Variants in GTPBP6 observed in about 807,000 individuals in gnomAD.
GTPBP6 encodes the protein putative GTP-binding protein 6.
In GTPBP6, 33 loss-of-function variants were observed where a neutral mutation model predicts 28.9. That is an observed-to-expected ratio of 1.14 (90% CI 0.87 to 1.53). GTPBP6 has a LOEUF of 1.53. Ranked by LOEUF, GTPBP6 falls within the 40% of genes most tolerant of loss-of-function variation. GTPBP6 has a pLI of 0.00. For synonymous variants in GTPBP6, 231 were observed against 192.7 expected (o/e 1.20, Z -1.65); for missense variants, 507 against 408.3 (o/e 1.24, Z -2.08).
At position 306,126 on chromosome X, in the gene GTPBP6, C is replaced by T. The variant is rs774518982; in HGVS notation, c.1428-929G>A. Among the ~76,000 whole-genome samples the T allele has an allele frequency of 9.8e-5, 15 of 152,340 alleles. No homozygotes were observed. The East Asian group carries it at 2.7e-3, about 27-fold the overall frequency. The stretch of plus-strand genomic sequence containing the variant: ...CTTGACTGGCAGCACAGATTAGGCA[C>T]CTGTTGTGCGCACAGTCAGAAATGT... On this transcript the variant is annotated intron_variant, in intron 9 of 9. Transcript: ENST00000326153.
intron 8 of GTPBP6, 98 bp from the exon 9 acceptor site, chrX:307,610 G>A: frequency 6.9e-7 from 1 of 1,456,960 alleles, no homozygotes; most frequent in Non-Finnish European, 9.3e-7. Context: ...CACAGTCTGG[G>A]GCCACTCCCT....
intron 5 of GTPBP6, among the ~76,000 whole-genome samples, chrX:313,209 C>G (rs1167947692): frequency 2.6e-5 from 4 of 152,236 alleles, no homozygotes; most frequent in African/African-American, 9.6e-5. Flanking sequence ...GGCCTCCGAG[C>G]GGGACACGGC....
At chrX:313,964 C>CA (rs1569353447) in intron 5 of GTPBP6, among the ~76,000 whole-genome samples, 186 bp downstream of exon 5, 1 of 152,236 alleles carries the variant, frequency 6.6e-6, no homozygotes, top group Non-Finnish European at 1.5e-5. Flanking sequence ...ACGGAGCCCC[C>CA]AGCCAGCCCC....
chrX:304,985 C>G, exon 10 of GTPBP6: 3 of 1,552,622 alleles, frequency 1.9e-6, no homozygotes, highest in Non-Finnish European at 2.6e-6. Flanking sequence ...CCTGCTGCAC[C>G]TGACACCAAG....
At chrX:314,937 C>T (rs1370787468) in exon 4 of GTPBP6, 3 of 398,616 alleles carry the variant, frequency 7.5e-6, no homozygotes, top group Admixed American at 4.4e-5. Context: ...GGGCCTCCTT[C>T]GTGCGGGCGT....
At chrX:308,449 C>A (rs956010138) in intron 7 of GTPBP6, among the ~76,000 whole-genome samples, 2 of 152,054 alleles carry the variant, frequency 1.3e-5, no homozygotes, top group African/African-American at 4.8e-5. Flanking sequence ...AACTGAGGCA[C>A]TTTGGGAGGT....
exon 7 of GTPBP6, chrX:311,457 C>T (rs368490520): frequency 3.3e-5 from 53 of 1,611,714 alleles, no homozygotes; most frequent in Non-Finnish European, 3.9e-5. Context: ...GAGAAGGACT[C>T]GATGAGGCCG....
At chrX:311,690 G>A in intron 6 of GTPBP6, 63 bp from the exon 7 acceptor site, 3 of 1,347,108 alleles carry the variant, frequency 2.2e-6, no homozygotes, top group Non-Finnish European at 3.2e-6. Flanking sequence ...TAGCGCCGCA[G>A]CCAGGCCCTC....
At chrX:308,693 T>G (rs1479098757) in intron 7 of GTPBP6, among the ~76,000 whole-genome samples, 2 of 146,558 alleles carry the variant, frequency 1.4e-5, no homozygotes, top group Non-Finnish European at 3.0e-5. Context: ...AGAAGAAAAG[T>G]AAAAACAAAA....
intron 4 of GTPBP6, 145 bp from the exon 5 acceptor site, chrX:314,362 C>CA (rs2070384661): frequency 1.4e-6 from 1 of 733,664 alleles, no homozygotes; most frequent in Non-Finnish European, 2.5e-6. Context: ...GCGTGTAGCT[C>CA]ACACACTGTG....
At position 309,551 on chromosome X, in the gene GTPBP6, G is replaced by A. The variant is rs1397638349; in HGVS notation, c.1126-1671C>T. Among the ~76,000 whole-genome samples, 3 of 152,292 alleles carry A rather than the reference G, an allele frequency of 2.0e-5. No individual in the cohort carries two copies. The East Asian group carries it at 5.8e-4, about 29-fold the overall frequency. ...TTTTTGCAGATGTAGTTAAGATGAGGTTACCCTGGATTTATCTAGGTGGCC... is the reference window on the plus strand; with the variant it reads ...TTTTTGCAGATGTAGTTAAGATGAGATTACCCTGGATTTATCTAGGTGGCC... On this transcript the variant is annotated intron_variant, in intron 7 of 9. Transcript: ENST00000326153.
In GTPBP6 at chrX:312,807, C is replaced by T. The variant is rs374595376; in HGVS notation, c.875G>A (p.Arg292Gln). Residue 292 changes from arginine (R) to glutamine (Q), a missense_variant, in exon 6 of 10, where the codon CGG becomes CAG. Physicochemically the swap from Arg to Gln is conservative, Grantham distance 43. Coordinates refer to ENST00000326153, the Ensembl canonical transcript of GTPBP6. ...CACCACGGAGATCACGGGGAACTCCCGCCTCGTCCGCTGCCGGCGGAGCAG... is the reference window on the plus strand; with the variant it reads ...CACCACGGAGATCACGGGGAACTCCTGCCTCGTCCGCTGCCGGCGGAGCAG... 397 of 1,612,602 alleles carry T rather than the reference C, an allele frequency of 2.5e-4. 3 individuals are homozygous for T. The South Asian group carries it at 2.8e-3, about 11-fold the overall frequency.
intron 7 of GTPBP6, 72 bp downstream of exon 7, chrX:311,347 G>T: frequency 8.7e-7 from 1 of 1,146,988 alleles, no homozygotes; most frequent in Non-Finnish European, 1.3e-6. Context: ...CCCTGGCTGT[G>T]TGTGTCTGAG....
chrX:305,950 T>TG (rs1198984294), intron 9 of GTPBP6, among the ~76,000 whole-genome samples: 7 of 151,960 alleles, frequency 4.6e-5, no homozygotes, highest in South Asian at 2.1e-4. Context: ...TTTGTAGAGA[T>TG]GGGGTCTCAC....
exon 1 of GTPBP6, chrX:318,605 G>A (rs1459394146): frequency 2.3e-5 from 9 of 397,502 alleles, no homozygotes; most frequent in African/African-American, 1.6e-4. Flanking sequence ...GGCTTCGGCC[G>A]CCGTCCGCCC....
exon 10 of GTPBP6, chrX:304,960 C>G: frequency 6.6e-6 from 10 of 1,505,752 alleles, no homozygotes; most frequent in Non-Finnish European, 8.9e-6. Context: ...GGGTGCAGAA[C>G]CAGACAAGGA....
chrX:311,903 GGTC>G, intron 6 of GTPBP6: 2 of 599,364 alleles, frequency 3.3e-6, no homozygotes, highest in Admixed American at 2.9e-5. Context: ...ATGGGAGTGA[GGTC>G]GTCTGTGTAG....
chrX:315,553 GACACACACAC>G (rs1215331200), intron 2 of GTPBP6, among the ~76,000 whole-genome samples: 6,836 of 110,462 alleles, frequency 0.062, 224 homozygotes, highest in African/African-American at 0.2. Flanking sequence ...TACACACGCA[GACACACACAC>G]ACACACACAC....
At chrX:309,943 G>GAGACAC (rs1569348895) in intron 7 of GTPBP6, among the ~76,000 whole-genome samples, 1 of 143,790 alleles carries the variant, frequency 7.0e-6, no homozygotes, top group Non-Finnish European at 1.5e-5. Flanking sequence ...GACAGAAGAG[G>GAGACAC]AGACACAGAC....
Sources: gnomAD v4.1 joint callset for allele counts (sites outside exome capture counted in the v4.1 genomes callset) on GRCh38, gnomAD v4.1.1 for gene constraint, MANE v1.5 for transcripts, NCBI Gene and HGNC (gene_info 2026-07-23, HGNC 2026-07-21) for gene names.